Variants in TACC1 observed in about 807,000 individuals in gnomAD.
TACC1 encodes transforming acidic coiled-coil-containing protein 1.
Under a neutral mutation model 84.4 loss-of-function variants are expected in TACC1, and 48 were observed. The ratio of observed to expected loss-of-function variants is 0.57; its 90% confidence interval spans 0.45 to 0.72. The LOEUF (loss-of-function observed/expected upper bound fraction) is 0.72. Among genes scored for constraint, TACC1 ranks in the 30% least tolerant of loss-of-function variants. The pLI, the probability that TACC1 is intolerant of heterozygous loss-of-function variation, is 0.00. For synonymous variants in TACC1, 372 were observed against 376.3 expected, an observed-to-expected ratio of 0.99 and a Z score of 0.13; for missense variants, 920 against 973.0, an observed-to-expected ratio of 0.95 and a Z score of 0.72.
intron 2 of TACC1, among the ~76,000 whole-genome samples, chr8:38,814,646 C>T (rs149888534): frequency 1.9e-4 from 29 of 152,306 alleles, no homozygotes; most frequent in African/African-American, 6.3e-4. Context: ...TCTCAGAATC[C>T]GTTGTTAAGC....
At chr8:38,840,059 TAA>T (rs11440274) in intron 8 of TACC1, 163 bp from the exon 9 acceptor site, 5,285 of 187,396 alleles carry the variant, frequency 0.028, no homozygotes, top group East Asian at 0.055. Flanking sequence ...TTATATAATG[TAA>T]AAAAAAAAAA....
intron 2 of TACC1, among the ~76,000 whole-genome samples, chr8:38,798,635 G>GTGTGTGTGTGTGTA (rs1554515668): frequency 6.6e-6 from 1 of 151,688 alleles, no homozygotes; most frequent in Non-Finnish European, 1.5e-5. Flanking sequence ...GTGTGTGTGT[G>GTGTGTGTGTGTGTA]TGTGTATGTG....
intron 12 of TACC1, 56 bp downstream of exon 12, chr8:38,846,875 G>A: frequency 6.3e-7 from 1 of 1,599,448 alleles, no homozygotes; most frequent in South Asian, 1.1e-5. Context: ...TTCCTCCTCA[G>A]CAGTGACTCA....
At chr8:38,803,400 G>A (rs1821888471) in intron 2 of TACC1, among the ~76,000 whole-genome samples, 1 of 152,170 alleles carries the variant, frequency 6.6e-6, no homozygotes. Context: ...TCAGCTGTGA[G>A]TTTTTCATAA....
intron 3 of TACC1, among the ~76,000 whole-genome samples, chr8:38,761,127 A>C (rs1438724931): frequency 6.6e-6 from 1 of 152,200 alleles, no homozygotes; most frequent in Non-Finnish European, 1.5e-5. Context: ...ATGGAAATGC[A>C]TTTGGGAATA....
At position 38,739,646 on chromosome 8, in the gene TACC1, C is replaced by T. The variant is rs550223183; in HGVS notation, c.-674-2705C>T. On this transcript the variant is annotated intron_variant, in intron 1 of 14. Coordinates refer to the TACC1 transcript ENST00000518415. Reference sequence around the variant, plus strand: ...AAATGATTTTTCTTTGATTTGCATACGTAAAGGTTCACTTTCTGTGTTGTA... The same window carrying T: ...AAATGATTTTTCTTTGATTTGCATATGTAAAGGTTCACTTTCTGTGTTGTA... Among the ~76,000 whole-genome samples, 14 of 152,296 alleles carry T rather than the reference C, an allele frequency of 9.2e-5. 1 individual carries two copies. Among genetic ancestry groups the T allele is most frequent in the African/African-American group, 2.2e-4 (9 of 41,574 alleles).
intron 11 of TACC1, chr8:38,844,790 A>G (rs927976386): frequency 7.2e-5 from 11 of 152,200 alleles, no homozygotes; most frequent in Non-Finnish European, 1.5e-5. Flanking sequence ...ATTCTTTGTC[A>G]TAGTAACAAA....
At chr8:38,843,194 G>T in intron 10 of TACC1, 95 bp from the exon 11 acceptor site, 1 of 817,908 alleles carries the variant, frequency 1.2e-6, no homozygotes, top group Non-Finnish European at 1.9e-6. Flanking sequence ...GAATTAATTA[G>T]ATTTTTCCAT....
chr8:38,793,309 G>T (rs528248573), intron 2 of TACC1, among the ~76,000 whole-genome samples: 1 of 152,266 alleles, frequency 6.6e-6, no homozygotes, highest in South Asian at 2.1e-4. Context: ...TGGTAGTCTC[G>T]ATCAGAATCA....
intron 3 of TACC1, among the ~76,000 whole-genome samples, chr8:38,769,716 T>C (rs1813155900): frequency 7.0e-6 from 1 of 142,240 alleles, no homozygotes; most frequent in Non-Finnish European, 1.5e-5. Flanking sequence ...GTGTGGTGTG[T>C]GTGTGAGACT....
chr8:38,844,518 C>T (rs552370389), intron 11 of TACC1, among the ~76,000 whole-genome samples: 1 of 152,208 alleles, frequency 6.6e-6, no homozygotes, highest in South Asian at 2.1e-4. Flanking sequence ...TTGCATCTAT[C>T]TTATGAATGA....
chr8:38,772,795 A>G (rs898964324), intron 3 of TACC1, among the ~76,000 whole-genome samples: 3 of 152,076 alleles, frequency 2.0e-5, no homozygotes, highest in Non-Finnish European at 4.4e-5. Flanking sequence ...AAATATTACT[A>G]TTCATTAATA....
Position 38,787,695 on chromosome 8 carries a change from A to G in TACC1, c.113A>G (p.Asp38Gly). 1 of 1,534,518 alleles carries G rather than the reference A, an allele frequency of 6.5e-7. No individual in the cohort carries two copies. The highest frequency in any genetic ancestry group is 8.7e-7 in the Non-Finnish European group (1 of 1,146,728). Reference sequence around the variant, plus strand: ...GACGAGGCTGGCGGGCCCGAGGGCGACCCCGAGGAGGAGGATTCGCAAGCC... The same window carrying G: ...GACGAGGCTGGCGGGCCCGAGGGCGGCCCCGAGGAGGAGGATTCGCAAGCC... ...GEDEAGGPEG[D>G]PEEEDSQAET... The change falls in exon 1 of 13, where the codon GAC (aspartate) becomes GGC (glycine). Residue 38 changes from aspartate to glycine, a missense_variant. Physicochemically the swap from Asp to Gly is moderately conservative, Grantham distance 94. Coordinates refer to ENST00000317827, the MANE Select transcript of TACC1 (RefSeq NM_006283.3).
At chr8:38,758,678 CAAAAAAAAAAAAA>C (rs773304871) in intron 3 of TACC1, among the ~76,000 whole-genome samples, 3 of 26,084 alleles carry the variant, frequency 1.2e-4, no homozygotes, top group Admixed American at 5.7e-4. Context: ...GACTCCATCT[CAAAAAAAAAAAAA>C]AAAAAAAAAA....
intron 2 of TACC1, among the ~76,000 whole-genome samples, chr8:38,808,366 T>G (rs1017839922): frequency 6.6e-6 from 1 of 152,250 alleles, no homozygotes; most frequent in Non-Finnish European, 1.5e-5. Flanking sequence ...ATGTAACTTC[T>G]TATAAAAGTG....
rs974649185 is a variant in TACC1, at chr8:38,734,868, C to T, written c.-675+6197C>T. Among the ~76,000 whole-genome samples the T allele has an allele frequency of 2.6e-5, 4 of 152,350 alleles. No homozygotes were observed. In the South Asian group the frequency reaches 8.3e-4, roughly 32 times the overall value. ...CTGGCGGGGAGTGGCTTGCCTTAGG[C>T]CTGTCTCCTTGTCTCTCACAGCTGG... On this transcript the variant is annotated intron_variant, in intron 1 of 14. Coordinates refer to the TACC1 transcript ENST00000518415.
chr8:38,807,450 T>C (rs540930090), intron 2 of TACC1, among the ~76,000 whole-genome samples: 1 of 152,344 alleles, frequency 6.6e-6, no homozygotes, highest in South Asian at 2.1e-4. Flanking sequence ...AAGGGCTGTC[T>C]ATCTAAAGGA....
intron 9 of TACC1, among the ~76,000 whole-genome samples, chr8:38,841,365 G>A (rs1241463231): frequency 1.3e-5 from 2 of 152,096 alleles, no homozygotes; most frequent in African/African-American, 4.8e-5. Flanking sequence ...GAAGTCTCCG[G>A]CAAAAAGAAC....
chr8:38,794,812 G>A (rs1303753133), intron 2 of TACC1, among the ~76,000 whole-genome samples: 2 of 152,102 alleles, frequency 1.3e-5, no homozygotes, highest in East Asian at 1.9e-4. Context: ...GAAATAATGG[G>A]ACTAATTAGG....
Sources: allele counts gnomAD v4.1 joint callset (sites outside exome capture counted in the v4.1 genomes callset), GRCh38; gene constraint gnomAD v4.1.1; transcripts MANE v1.5; gene names NCBI Gene and HGNC (gene_info 2026-07-23, HGNC 2026-07-21).